Variants in USP11 observed in about 807,000 individuals in gnomAD.
USP11 encodes the protein ubiquitin carboxyl-terminal hydrolase 11.
A neutral mutation model predicts 72.8 loss-of-function variants in USP11; 5 were observed. The observed-to-expected ratio is 0.07, with a 90% CI of 0.04 to 0.14. The LOEUF is 0.14. USP11 is among the 10% of genes least tolerant of loss of function. The pLI is 1.00. For synonymous variants in USP11, 368 were observed against 326.5 expected (o/e 1.13, Z -1.37); for missense variants, 480 against 794.7 (o/e 0.60, Z 4.76).
Position 47,239,410 on chromosome X carries a change from C to T in USP11, c.346C>T (p.Pro116Ser). Reference protein sequence around the residue: ...LVEGEDYVLLPAAAWHYLVSW... With the variant: ...LVEGEDYVLLSAAAWHYLVSW... ...GGAAGGCGAGGATTATGTGCTGCTC[C>T]CAGCAGCTGCTTGGCATTACCTGGT... The change falls in exon 3 of 21, where the codon CCA becomes TCA. Residue 116 changes from proline to serine, a missense_variant. Physicochemically the swap from Pro to Ser is moderately conservative, Grantham distance 74 (BLOSUM62 -1). Around this residue, in one of 5 missense-constraint regions of USP11, gnomAD observed 14 missense variants for 46.4 expected, o/e 0.30. Coordinates refer to ENST00000377107, the MANE Select transcript of USP11 (RefSeq NM_001371072.1). The T allele has an allele frequency of 8.3e-7, 1 of 1,211,475 alleles. No homozygotes were observed. Among genetic ancestry groups the T allele is most frequent in the Non-Finnish European group, 1.1e-6 (1 of 895,329 alleles).
intron 3 of USP11, 142 bp from the exon 4 acceptor site, chrX:47,239,648 G>T: frequency 1.0e-6 from 1 of 974,874 alleles, no homozygotes. Context: ...GTGTTCCCCT[G>T]TGTGGCTCTC....
chrX:47,234,445 A>G (rs946554783), intron 1 of USP11, among the ~76,000 whole-genome samples: 6 of 112,331 alleles, frequency 5.3e-5, no homozygotes, highest in Non-Finnish European at 1.1e-4. Context: ...AAGTGGGTAG[A>G]TACTAGTACT....
At chrX:47,246,087 C>T (rs938271693) in intron 17 of USP11, among the ~76,000 whole-genome samples, 1 of 112,025 alleles carries the variant, frequency 8.9e-6, no homozygotes, top group Non-Finnish European at 1.9e-5. Flanking sequence ...AATCACCCTT[C>T]CCCACCATCC....
intron 20 of USP11, 22 bp downstream of exon 20, chrX:47,247,721 C>T: frequency 8.3e-7 from 1 of 1,209,971 alleles, no homozygotes; most frequent in Non-Finnish European, 1.1e-6. Context: ...ATCCTACCTC[C>T]TCCCCTTCTT....
At chrX:47,238,988 T>C (rs996239340) in intron 1 of USP11, 82 bp from the exon 2 acceptor site, 8 of 631,964 alleles carry the variant, frequency 1.3e-5, no homozygotes, top group African/African-American at 4.5e-5. Flanking sequence ...GTGTCAATAC[T>C]TTCAGTCTGT....
intron 12 of USP11, 27 bp from the exon 13 acceptor site, chrX:47,243,369 G>T (rs370424286): frequency 5.0e-5 from 60 of 1,208,457 alleles, no homozygotes; most frequent in Admixed American, 1.1e-4. Flanking sequence ...GCCCTGATCA[G>T]GTGTGCCTGC....
Position 47,246,969 on chromosome X carries a change from C to A in USP11, c.2271-103C>A, listed in dbSNP as rs778086585. On this transcript the variant is annotated intron_variant, in intron 17 of 20. Transcript: ENST00000377107. Reference sequence around the variant, plus strand: ...CCAGGAGGTGGAGGCTGCAGTGATCCGAGATCGCGCCACTGTACTCCAGCC... The same window carrying A: ...CCAGGAGGTGGAGGCTGCAGTGATCAGAGATCGCGCCACTGTACTCCAGCC... 5 of 1,032,258 alleles carry A rather than the reference C, an allele frequency of 4.8e-6. No individual in the cohort carries two copies. The Admixed American group carries it at 1.9e-4, about 39-fold the overall frequency. The allele number at this position is 1,032,258 out of a possible 1,213,427, so 85.1% of individuals were successfully genotyped here.
Position 47,247,886 on chromosome X carries a change from G to C in USP11, c.2719G>C (p.Ala907Pro). The C allele has an allele frequency of 8.3e-7, 1 of 1,200,663 alleles. No homozygotes were observed. Residue 907 changes from alanine to proline, a missense_variant, in exon 21 of 21, where the codon GCC becomes CCC. Coordinates refer to ENST00000377107, the MANE Select transcript of USP11 (RefSeq NM_001371072.1). The part of the protein sequence containing the change: ...AGSSGAPASP[A>P]CSSPPSSEFM... The stretch of plus-strand genomic sequence containing the variant: ...CTCATCTGGCGCCCCAGCCTCCCCT[G>C]CCTGCAGCTCCCCACCCAGCTCTGA...
chrX:47,243,206 T>C (rs1207767544), intron 12 of USP11, among the ~76,000 whole-genome samples, 190 bp from the exon 13 acceptor site: 1 of 112,244 alleles, frequency 8.9e-6, no homozygotes, highest in Non-Finnish European at 1.9e-5. Flanking sequence ...GAGCTTGCAG[T>C]GAGCCGAGAT....
In USP11 at chrX:47,233,051, C is replaced by T. The variant is rs200473032; in HGVS notation, c.8C>T (p.Thr3Met). The T allele has an allele frequency of 4.3e-4, 518 of 1,209,040 alleles. 1 individual carries two copies. The highest frequency in any genetic ancestry group is 5.2e-4 in the Non-Finnish European group (464 of 894,595). MA[T>M]VAANPAAAAA... Reference sequence around the variant, plus strand: ...AGAAGAGAACGGACGGCGATGGCGACGGTCGCAGCAAATCCAGCTGCTGCT... The same window carrying T: ...AGAAGAGAACGGACGGCGATGGCGATGGTCGCAGCAAATCCAGCTGCTGCT... The change falls in exon 1 of 21, where the codon ACG becomes ATG. Residue 3 changes from threonine to methionine, a missense_variant. Coordinates refer to ENST00000377107, the MANE Select transcript of USP11 (RefSeq NM_001371072.1).
chrX:47,234,353 T>C (rs1211850711), intron 1 of USP11, among the ~76,000 whole-genome samples: 1 of 112,343 alleles, frequency 8.9e-6, no homozygotes, highest in Non-Finnish European at 1.9e-5. Flanking sequence ...AAAAATTATT[T>C]TAAAAATCAA....
chrX:47,233,523 C>G (rs188004415), intron 1 of USP11: 15 of 930,437 alleles, frequency 1.6e-5, no homozygotes, highest in Non-Finnish European at 2.0e-5. Context: ...GCGTAGGAAC[C>G]TGGGAAGAAG....
intron 1 of USP11, among the ~76,000 whole-genome samples, chrX:47,238,454 C>G (rs1393823955): frequency 1.1e-5 from 1 of 94,911 alleles, no homozygotes; most frequent in East Asian, 3.5e-4. Context: ...TCCCAAAGTG[C>G]TGGGATTACT....
At position 47,247,348 on chromosome X, in the gene USP11, C is replaced by T. The variant is rs200769176; in HGVS notation, c.2465C>T (p.Ser822Leu). The T allele has an allele frequency of 8.9e-5, 108 of 1,209,308 alleles. No homozygotes were observed. The East Asian group carries it at 1.2e-3, about 14-fold the overall frequency. ...SEFVIQPQNE[S>L]NPELYKYDLI... ...TTTGTCATCCAGCCACAGAATGAGT[C>T]GAATCCGGAGCTGTACAAATATGAC... Residue 822 changes from serine to leucine, a missense_variant, in exon 19 of 21, where the codon TCG becomes TTG. By Grantham distance (145) the Ser-to-Leu change is moderately radical. This residue lies in a region of USP11 where 314 missense variants were observed against 556.0 expected (regional missense o/e 0.56). Transcript: ENST00000377107.
chrX:47,245,544 C>CTT (rs749492953), intron 17 of USP11, 62 bp downstream of exon 17: 555 of 538,558 alleles, frequency 1.0e-3, no homozygotes, highest in Non-Finnish European at 1.2e-3. Context: ...CTATATTTAG[C>CTT]TTTTTTTTTT....
chrX:47,241,766 C>T, intron 9 of USP11, 67 bp downstream of exon 9: 1 of 1,101,134 alleles, frequency 9.1e-7, no homozygotes, highest in South Asian at 2.2e-5. Flanking sequence ...GATTTTCTGG[C>T]CTCCCTGGGG....
At position 47,248,024 on chromosome X, in the gene USP11, T is replaced by C. The variant is rs2055445909; in HGVS notation, c.*94T>C. 1 of 1,087,508 alleles carries C rather than the reference T, an allele frequency of 9.2e-7. No individual in the cohort carries two copies. The highest frequency in any genetic ancestry group is 1.2e-6 in the Non-Finnish European group (1 of 830,480). 89.6% of individuals were successfully genotyped at this position (1,087,508 alleles called of 1,213,427 possible). A position where few individuals can be genotyped will look rare whatever the true frequency, so the allele number is the denominator to read the frequency against. ...CCCCGCTTCTCTTATTCGTGTTAGG[T>C]GCCCCCGCCAGGCATTGCAGGCTTA... On this transcript the variant is annotated 3_prime_UTR_variant, in exon 21 of 21. Transcript: ENST00000377107.
chrX:47,246,268 T>G (rs2055432532), intron 17 of USP11, among the ~76,000 whole-genome samples: 1 of 112,517 alleles, frequency 8.9e-6, no homozygotes, highest in African/African-American at 3.2e-5. Context: ...TCTACCTGTT[T>G]ATAATAGTGT....
intron 17 of USP11, 33 bp downstream of exon 17, chrX:47,245,515 G>A: frequency 1.0e-6 from 1 of 963,910 alleles, no homozygotes; most frequent in Middle Eastern, 2.7e-4. Context: ...GTGTGTGGGG[G>A]TTTCATTGGA....
Sources: allele counts gnomAD v4.1 joint callset (sites outside exome capture counted in the v4.1 genomes callset), GRCh38; gene constraint gnomAD v4.1.1; regional missense constraint gnomAD v4.1.1; transcripts MANE v1.5; gene names NCBI Gene and HGNC (gene_info 2026-07-23, HGNC 2026-07-21).